The following PCSK5 variants were observed in gnomAD, a reference collection of about 807,000 sequenced individuals.
PCSK5 encodes proprotein convertase subtilisin/kexin type 5, also known as prohormone convertase 5.
PCSK5 carries 129 observed loss-of-function variants against 233.2 expected under a neutral mutation model. The ratio of observed to expected loss-of-function variants is 0.55; its 90% confidence interval spans 0.48 to 0.64. The LOEUF is 0.64. Ranked by LOEUF, PCSK5 falls within the 30% of genes least tolerant of loss-of-function variation. PCSK5 has a pLI of 0.00. For missense variants in PCSK5, 2,076 were observed against 2,430.1 expected (o/e 0.85, Z 3.06); for synonymous variants, 825 against 879.2 (o/e 0.94, Z 1.09).
intron 1 of PCSK5, among the ~76,000 whole-genome samples, chr9:75,897,553 G>A (rs1825864979): frequency 6.8e-6 from 1 of 146,810 alleles, no homozygotes; most frequent in South Asian, 2.1e-4. Context: ...GAGTGCAGTG[G>A]CACAATCTCA....
chr9:76,068,261 A>G (rs940126481), intron 6 of PCSK5, among the ~76,000 whole-genome samples: 6 of 152,040 alleles, frequency 3.9e-5, no homozygotes, highest in African/African-American at 1.2e-4. Context: ...TATTGTAAAC[A>G]CTTTTCTTTT....
intron 2 of PCSK5, among the ~76,000 whole-genome samples, chr9:75,933,321 G>A (rs961157875): frequency 1.3e-5 from 2 of 152,166 alleles, no homozygotes; most frequent in African/African-American, 4.8e-5. Flanking sequence ...GGAAGAGGGC[G>A]CATCTGTACC....
At chr9:76,250,001 A>G (rs994208686) in intron 24 of PCSK5, among the ~76,000 whole-genome samples, 4 of 152,196 alleles carry the variant, frequency 2.6e-5, no homozygotes, top group Non-Finnish European at 5.9e-5. Flanking sequence ...ACTTATTTAA[A>G]TATTCCTCTT....
Position 75,914,355 on chromosome 9 carries a change from A to G in PCSK5, c.193-18024A>G, listed in dbSNP as rs138960007. The stretch of plus-strand genomic sequence containing the variant: ...ACGTCAGATTTGGTTGTTACTTACT[A>G]TTAGGAAGAGTGTGTTTAAATTAAT... On this transcript the variant is annotated intron_variant, in intron 1 of 37. Coordinates refer to ENST00000674117, the MANE Select transcript of PCSK5 (RefSeq NM_001372043.1). Among the ~76,000 whole-genome samples, 1,483 of 152,240 alleles carry G rather than the reference A, an allele frequency of 9.7e-3. 25 individuals carry two copies. Among genetic ancestry groups the G allele is most frequent in the African/African-American group, 0.033 (1,380 of 41,546 alleles).
intron 17 of PCSK5, 89 bp from the exon 18 acceptor site, chr9:76,188,489 T>C: frequency 1.3e-6 from 1 of 798,962 alleles, no homozygotes; most frequent in Non-Finnish European, 2.1e-6. Flanking sequence ...TGAGGGAAAC[T>C]GTATCTGTTA....
intron 2 of PCSK5, among the ~76,000 whole-genome samples, chr9:75,937,390 G>A (rs1264273964): frequency 2.6e-5 from 4 of 152,040 alleles, no homozygotes; most frequent in African/African-American, 7.2e-5. Context: ...TGTTAGTCAG[G>A]CTGGTCTTGA....
intron 16 of PCSK5, 84 bp downstream of exon 16, chr9:76,181,675 T>C (rs963846170): frequency 3.4e-6 from 3 of 872,974 alleles, no homozygotes; most frequent in Admixed American, 2.4e-5. Flanking sequence ...AGCCTCTTTG[T>C]GAAATCTGGA....
chr9:75,940,219 T>G (rs1824236975), intron 2 of PCSK5, among the ~76,000 whole-genome samples: 1 of 152,208 alleles, frequency 6.6e-6, no homozygotes. Flanking sequence ...GCCTGTAACG[T>G]CTACCCATCG....
Position 76,246,760 on chromosome 9 carries a change from C to T in PCSK5, c.3142+6076C>T, listed in dbSNP as rs139947991. 2.1e-3 allele frequency among the ~76,000 whole-genome samples: 322 copies of T among 152,330 alleles called. 2 individuals carry two copies. The highest frequency in any genetic ancestry group is 7.4e-3 in the African/African-American group (308 of 41,566). The stretch of plus-strand genomic sequence containing the variant: ...TCTGCAGCTACCAAAAGAGCAAAGA[C>T]GATCCGTATGAACTGATGGTGATTT... On this transcript the variant is annotated intron_variant, in intron 24 of 37. Transcript: ENST00000674117.
At chr9:76,140,944 T>TTTTCACA (rs1823191170) in intron 10 of PCSK5, among the ~76,000 whole-genome samples, 1 of 152,116 alleles carries the variant, frequency 6.6e-6, no homozygotes, top group Admixed American at 6.6e-5. Context: ...TTTTGTGTAA[T>TTTTCACA]CACCTGAAGA....
chr9:76,167,333 A>G (rs1432909030), intron 12 of PCSK5, among the ~76,000 whole-genome samples: 1 of 152,190 alleles, frequency 6.6e-6, no homozygotes, highest in Non-Finnish European at 1.5e-5. Context: ...GATAAAACAC[A>G]TTTGCATATT....
rs756286790 is a variant in PCSK5 at position 76,239,059 on chromosome 9, A to T, written c.2967A>T (p.Pro989=). The T allele has an allele frequency of 8.7e-6, 14 of 1,611,594 alleles. No homozygotes were observed. Among genetic ancestry groups the T allele is most frequent in the Non-Finnish European group, 1.2e-5 (14 of 1,179,404 alleles). ...AGGGGAACACCTGCCTGCCCTGCCC[A>T]GACAACTGTGAGCTTTGCCACAGCG... ...ATEGNTCLPC[P]DNCELCHSVH... The change falls in exon 23 of 38, where the codon CCA becomes CCT. Residue 989 remains proline, a synonymous_variant. Transcript: ENST00000674117.
chr9:75,937,638 G>A (rs1208723828), intron 2 of PCSK5, among the ~76,000 whole-genome samples: 1 of 152,238 alleles, frequency 6.6e-6, no homozygotes, highest in Non-Finnish European at 1.5e-5. Context: ...TAGTGTGAAA[G>A]TCATAGGTGG....
At chr9:75,997,007 G>T (rs1416754704) in intron 3 of PCSK5, among the ~76,000 whole-genome samples, 5 of 151,998 alleles carry the variant, frequency 3.3e-5, no homozygotes, top group African/African-American at 1.2e-4. Context: ...TTTTCACTCA[G>T]TATTGGGATT....
At chr9:76,036,295 T>A (rs1457495150) in intron 5 of PCSK5, among the ~76,000 whole-genome samples, 1 of 152,220 alleles carries the variant, frequency 6.6e-6, no homozygotes, top group Non-Finnish European at 1.5e-5. Flanking sequence ...TTAACTATAA[T>A]CCTTAATAAA....
Position 76,278,620 on chromosome 9 carries a change from C to A in PCSK5, c.3143-13613C>A, listed in dbSNP as rs187359923. ...GAAACATATATATGTATATGTAAAGCAAAAATTAATATTAATATTTTAGCT... is the reference window on the plus strand; with the variant it reads ...GAAACATATATATGTATATGTAAAGAAAAAATTAATATTAATATTTTAGCT... On this transcript the variant is annotated intron_variant, in intron 24 of 37. Transcript: ENST00000674117. Among the ~76,000 whole-genome samples the A allele has an allele frequency of 2.7e-4, 41 of 151,880 alleles. No homozygotes were observed. The East Asian group carries it at 7.9e-3, about 29-fold the overall frequency.
At chr9:76,332,781 G>A (rs1587342582) in intron 34 of PCSK5, among the ~76,000 whole-genome samples, 171 bp downstream of exon 34, 1 of 152,334 alleles carries the variant, frequency 6.6e-6, no homozygotes, top group Admixed American at 6.5e-5. Context: ...AGAAACAGGA[G>A]AGGCAGAGTG....
At position 76,354,036 on chromosome 9, in the gene PCSK5, G is replaced by A; in HGVS notation, c.5071G>A (p.Glu1691Lys). 2 of 1,607,270 alleles carry A rather than the reference G, an allele frequency of 1.2e-6. No individual in the cohort carries two copies. Among genetic ancestry groups the A allele is most frequent in the South Asian group, 1.1e-5 (1 of 89,656 alleles). Residue 1691 changes from glutamate to lysine, a missense_variant, in exon 37 of 38, where the codon GAG becomes AAG. This residue lies in a region of PCSK5 where 1,510 missense variants were observed against 1,538.1 expected (regional missense o/e 0.98). Coordinates refer to ENST00000674117, the MANE Select transcript of PCSK5 (RefSeq NM_001372043.1). ...ACCTCTTGATTGCTCTTAACAGGGAGAGAAGTTTAACTGTGAAAAATGCCA... is the reference window on the plus strand; with the variant it reads ...ACCTCTTGATTGCTCTTAACAGGGAAAGAAGTTTAACTGTGAAAAATGCCA... ...LVGEYRVGEG[E>K]KFNCEKCHES...
At chr9:76,062,071 A>T (rs1452523938) in intron 5 of PCSK5, among the ~76,000 whole-genome samples, 2 of 152,074 alleles carry the variant, frequency 1.3e-5, no homozygotes, top group Non-Finnish European at 2.9e-5. Flanking sequence ...ACATAGTGAG[A>T]CCCTGTCTCT....
Sources: allele counts gnomAD v4.1 joint callset (sites outside exome capture counted in the v4.1 genomes callset), GRCh38; gene constraint gnomAD v4.1.1; regional missense constraint gnomAD v4.1.1; transcripts MANE v1.5; gene names NCBI Gene and HGNC (gene_info 2026-07-23, HGNC 2026-07-21).